LRRC49: variants seen among roughly 807,000 people sequenced by gnomAD.
LRRC49 encodes leucine rich repeat containing 49, also known as leucine-rich repeat-containing protein 49.
In LRRC49, 50 loss-of-function variants were observed where a neutral mutation model predicts 83.3. The ratio of observed to expected loss-of-function variants is 0.60; its 90% confidence interval spans 0.48 to 0.76. The LOEUF (loss-of-function observed/expected upper bound fraction) is 0.76. Ranked by LOEUF, LRRC49 falls within the 30% of genes least tolerant of loss-of-function variation. The pLI, the probability that LRRC49 is intolerant of heterozygous loss-of-function variation, is 0.00. For missense variants in LRRC49, 704 were observed against 809.1 expected (o/e 0.87, Z 1.58); for synonymous variants, 286 against 283.3 (o/e 1.01, Z -0.10).
At chr15:70,986,473 C>T (rs1480158407) in intron 11 of LRRC49, among the ~76,000 whole-genome samples, 4 of 152,050 alleles carry the variant, frequency 2.6e-5, no homozygotes, top group Admixed American at 2.6e-4. Flanking sequence ...GTGATTTTTG[C>T]ACATTGATTT....
chr15:71,038,580 C>T (rs1013406739), intron 15 of LRRC49, among the ~76,000 whole-genome samples: 1 of 152,148 alleles, frequency 6.6e-6, no homozygotes, highest in East Asian at 1.9e-4. Flanking sequence ...CAATGCAAGA[C>T]TATTTTTAAT....
chr15:70,958,906 G>A (rs1238562975), intron 8 of LRRC49, among the ~76,000 whole-genome samples: 1 of 152,122 alleles, frequency 6.6e-6, no homozygotes, highest in Non-Finnish European at 1.5e-5. Flanking sequence ...TAAAAGCAGT[G>A]AACTTTATTC....
chr15:70,895,904 A>G lies in LRRC49; in HGVS notation c.161A>G (p.His54Arg), dbSNP rs772076355. Residue 54 changes from histidine to arginine, a missense_variant, in exon 3 of 16, where the codon CAT becomes CGT. By Grantham distance (29) the His-to-Arg change is conservative. Around this residue, in one of 3 missense-constraint regions of LRRC49, gnomAD observed 261 missense variants for 330.5 expected, o/e 0.79. Transcript: ENST00000260382. ...TCATTCCCCGGTAGACTTTTACAAC[A>G]TGACCTTGAAAGAAACTACTCAAGT... ...TSSFPGRLLQ[H>R]DLERNYSSRQ... 1.2e-6 allele frequency: 2 copies of G among 1,611,142 alleles called. No homozygotes were observed. Among genetic ancestry groups the G allele is most frequent in the Non-Finnish European group, 8.5e-7 (1 of 1,178,374 alleles).
At chr15:70,882,520 C>A in intron 2 of LRRC49, 2 of 1,613,868 alleles carry the variant, frequency 1.2e-6, no homozygotes, top group Non-Finnish European at 8.5e-7. Context: ...TCTTGATATC[C>A]CAGTCTGTAT....
At chr15:70,993,742 T>A (rs2037978822) in intron 11 of LRRC49, among the ~76,000 whole-genome samples, 1 of 152,252 alleles carries the variant, frequency 6.6e-6, no homozygotes, top group Non-Finnish European at 1.5e-5. Flanking sequence ...AATTTCTTTT[T>A]TAAAAATTAT....
intron 8 of LRRC49, among the ~76,000 whole-genome samples, chr15:70,946,394 T>C (rs1407735084): frequency 6.6e-6 from 1 of 152,156 alleles, no homozygotes; most frequent in Non-Finnish European, 1.5e-5. Context: ...CCTCCAGGTT[T>C]GTCCATGTTG....
chr15:70,990,774 T>C (rs1478810503), intron 11 of LRRC49, among the ~76,000 whole-genome samples: 2 of 152,240 alleles, frequency 1.3e-5, no homozygotes, highest in Non-Finnish European at 2.9e-5. Context: ...TTCGGCCATC[T>C]TGGCTCCAGC....
At chr15:70,876,266 A>G (rs1174011144) in intron 2 of LRRC49, among the ~76,000 whole-genome samples, 3 of 152,222 alleles carry the variant, frequency 2.0e-5, no homozygotes, top group Non-Finnish European at 4.4e-5. Context: ...CTGAAACTCA[A>G]CATTCAGTAT....
chr15:71,021,940 A>G (rs1413527910), intron 14 of LRRC49, among the ~76,000 whole-genome samples: 13 of 152,198 alleles, frequency 8.5e-5, no homozygotes, highest in Admixed American at 8.5e-4. Flanking sequence ...AGCAACACTT[A>G]AGGGGCCTGA....
At chr15:71,032,869 A>G (rs1425969716) in intron 14 of LRRC49, among the ~76,000 whole-genome samples, 2 of 152,166 alleles carry the variant, frequency 1.3e-5, no homozygotes, top group Non-Finnish European at 2.9e-5. Context: ...CCTCAAAATA[A>G]TAGGAGTCAT....
At chr15:71,012,700 T>C (rs1194387999) in intron 13 of LRRC49, 104 bp from the exon 14 acceptor site, 1 of 668,674 alleles carries the variant, frequency 1.5e-6, no homozygotes, top group Non-Finnish European at 2.6e-6. Context: ...TTTTGTGGGC[T>C]TAAAAGATAA....
intron 8 of LRRC49, among the ~76,000 whole-genome samples, chr15:70,948,417 ATC>A (rs2036088560): frequency 6.6e-6 from 1 of 151,650 alleles, no homozygotes; most frequent in African/African-American, 2.4e-5. Context: ...AGCTGTGAAT[ATC>A]TGTTAAAATG....
At chr15:70,951,898 G>A (rs2036230286) in intron 8 of LRRC49, among the ~76,000 whole-genome samples, 1 of 152,018 alleles carries the variant, frequency 6.6e-6, no homozygotes, top group Non-Finnish European at 1.5e-5. Flanking sequence ...TTGTCTATAG[G>A]TTTATGTTAT....
chr15:70,904,548 C>G lies in LRRC49; in HGVS notation c.297-4C>G, dbSNP rs751739615. The G allele has an allele frequency of 6.2e-7, 1 of 1,603,474 alleles. No individual in the cohort carries two copies. The highest frequency in any genetic ancestry group is 8.5e-7 in the Non-Finnish European group (1 of 1,173,222). The stretch of plus-strand genomic sequence containing the variant: ...CCTAATTAACTTTTTAACATTTTTT[C>G]TAGACAAAAGCTGACCGTATGTCCT... On this transcript the variant is annotated splice_region_variant and splice_polypyrimidine_tract_variant and intron_variant, in intron 4 of 15. Coordinates refer to ENST00000260382, the MANE Select transcript of LRRC49 (RefSeq NM_017691.5).
At chr15:70,988,991 T>G (rs1047327981) in intron 11 of LRRC49, among the ~76,000 whole-genome samples, 10 of 152,258 alleles carry the variant, frequency 6.6e-5, no homozygotes, top group African/African-American at 2.4e-4. Context: ...TTGTAGAGTT[T>G]CTGCTGAGAG....
rs1317130852 is a variant in LRRC49, at chr15:70,893,625, T to C, written c.90T>C (p.Leu30=). 6.2e-7 allele frequency: 1 copy of C among 1,609,944 alleles called. No individual in the cohort carries two copies. The highest frequency in any genetic ancestry group is 1.3e-5 in the African/African-American group (1 of 74,682). ...GLHLVIQTSS[L]PEKNKVEFKL... ...ATCTGGTTATTCAAACATCATCGCT[T>C]CCTGAAAAAAACAAAGTAAGATTTA... Residue 30 remains leucine, a synonymous_variant, in exon 2 of 16, where the codon CTT becomes CTC. Transcript: ENST00000260382.
intron 14 of LRRC49, among the ~76,000 whole-genome samples, chr15:71,020,801 T>C (rs1346460255): frequency 2.6e-5 from 4 of 152,164 alleles, no homozygotes; most frequent in Non-Finnish European, 5.9e-5. Flanking sequence ...CCATTAGTAT[T>C]CTTACACTAA....
intron 15 of LRRC49, among the ~76,000 whole-genome samples, chr15:71,041,971 C>G (rs1037514242): frequency 1.3e-5 from 2 of 152,050 alleles, no homozygotes; most frequent in African/African-American, 4.8e-5. Context: ...CTTCTTTGCA[C>G]CATGCAACAA....
chr15:70,996,118 G>A (rs1044875008), intron 11 of LRRC49, among the ~76,000 whole-genome samples: 5 of 151,766 alleles, frequency 3.3e-5, no homozygotes, highest in East Asian at 1.9e-4. Flanking sequence ...TTTAATGACC[G>A]GAAAACTAGC....
Sources: gnomAD v4.1 joint callset for allele counts (sites outside exome capture counted in the v4.1 genomes callset) on GRCh38, gnomAD v4.1.1 for gene constraint, gnomAD v4.1.1 regional missense constraint, MANE v1.5 for transcripts, NCBI Gene and HGNC (gene_info 2026-07-23, HGNC 2026-07-21) for gene names.